Variants in IGSF10 observed in about 807,000 individuals in gnomAD.
IGSF10 encodes immunoglobulin superfamily member 10.
Under a neutral mutation model 128.2 loss-of-function variants are expected in IGSF10, and 126 were observed. That is an observed-to-expected ratio of 0.98 (90% CI 0.85 to 1.14). The LOEUF is 1.14. Ranked by LOEUF, IGSF10 falls within the 50% of genes most tolerant of loss-of-function variation. IGSF10 has a pLI of 0.00. For missense variants in IGSF10, 3,295 were observed against 3,149.8 expected (o/e 1.05, Z -1.10); for synonymous variants, 1,185 against 1,146.2 (o/e 1.03, Z -0.68).
chr3:151,465,982 C>T (rs1722270517), upstream of IGSF10, among the ~76,000 whole-genome samples: 1 of 152,208 alleles, frequency 6.6e-6, no homozygotes, highest in South Asian at 2.1e-4. Context: ...TGTAACCAAT[C>T]CAGCTGTTTC....
In IGSF10 at chr3:151,446,444, C is replaced by T. The variant is rs181702818; in HGVS notation, c.3537G>A (p.Ser1179=). 4.0e-5 allele frequency: 65 copies of T among 1,614,012 alleles called. No individual in the cohort carries two copies. The highest frequency in any genetic ancestry group is 3.3e-4 in the African/African-American group (25 of 75,032). The change falls in exon 6 of 8, where the codon TCG becomes TCA. Residue 1179 remains serine (S), a synonymous_variant. Transcript: ENST00000282466. ...GCTTGGTGATAGCACCTGAAAGTGA[C>T]GATGTAATCACTGAATCTCTTTTAG... is the stretch of plus-strand genomic sequence containing the variant. The part of the protein sequence containing the change: ...NEAKRDSVIT[S]SLSGAITKPP...
At chr3:151,471,213 A>T in the IGSF10 span, among the ~76,000 whole-genome samples, 359 of 152,232 alleles carry the variant, frequency 2.4e-3, no homozygotes, top group African/African-American at 8.1e-3. Flanking sequence ...TTTGCTACTC[A>T]TTCACCTTCT....
At chr3:151,562,791 AAAG>A in the IGSF10 span, among the ~76,000 whole-genome samples, 1 of 152,144 alleles carries the variant, frequency 6.6e-6, no homozygotes, top group East Asian at 1.9e-4. Context: ...CCAAGAGCCC[AAAG>A]AAGAGACCCA....
the IGSF10 span, among the ~76,000 whole-genome samples, chr3:151,533,358 A>G: frequency 6.6e-6 from 1 of 152,200 alleles, no homozygotes; most frequent in African/African-American, 2.4e-5. Context: ...AGCCAAGACA[A>G]TCTAAGCTAA....
chr3:151,449,112 G>C lies in IGSF10; in HGVS notation c.869C>G (p.Ser290Ter). The change falls in exon 6 of 8, where the codon TCA becomes TGA. Residue 290 changes from serine (S) to a stop codon, truncating the protein, a stop_gained. Transcript: ENST00000282466. LOFTEE classifies it high-confidence loss of function. Reference protein sequence around the residue: ...AKPTIDSSLKSKSLTILEDSS... With the variant: ...AKPTIDSSLK ...GTCTTCCAGAATAGTCAGGCTCTTT[G>C]ATTTCAGGGATGAGTCAATGGTTGG... is the stretch of plus-strand genomic sequence containing the variant. 6.2e-7 allele frequency: 1 copy of C among 1,614,216 alleles called. No individual in the cohort carries two copies. Among genetic ancestry groups the C allele is most frequent in the Non-Finnish European group, 8.5e-7 (1 of 1,180,042 alleles).
intron 7 of IGSF10, among the ~76,000 whole-genome samples, chr3:151,440,028 C>T (rs1028477093): frequency 6.6e-6 from 1 of 151,274 alleles, no homozygotes; most frequent in Non-Finnish European, 1.5e-5. Context: ...CTCCTATTTT[C>T]TATTTACTTT....
rs1720492687 is a variant in IGSF10 at position 151,437,805 on chromosome 3, C to G, written c.6756G>C (p.Val2252=). ...AGTCAAAGTGTTTTTTGGAATGTCT[C>G]ACAGCTGTGGCTTTAATAACAGTTC... ...TNRTVIKATA[V]RHSKKHFDCR... The change falls in exon 8 of 8, where the codon GTG becomes GTC. Residue 2252 remains valine, a synonymous_variant. Coordinates refer to ENST00000282466, the MANE Select transcript of IGSF10 (RefSeq NM_178822.5). 2 of 1,613,742 alleles carry G rather than the reference C, an allele frequency of 1.2e-6. No individual in the cohort carries two copies. Among genetic ancestry groups the G allele is most frequent in the South Asian group, 2.2e-5 (2 of 91,082 alleles).
At chr3:151,546,245 A>ACC in the IGSF10 span, among the ~76,000 whole-genome samples, 1 of 151,698 alleles carries the variant, frequency 6.6e-6, no homozygotes, top group Non-Finnish European at 1.5e-5. Flanking sequence ...TATTATGAAA[A>ACC]CCCTCTCCTA....
the IGSF10 span, among the ~76,000 whole-genome samples, chr3:151,499,199 A>G: frequency 1.3e-5 from 2 of 152,132 alleles, no homozygotes; most frequent in South Asian, 4.1e-4. Context: ...AACAAAAAGC[A>G]TTATACCCTG....
At chr3:151,519,080 A>G in the IGSF10 span, among the ~76,000 whole-genome samples, 72 of 152,082 alleles carry the variant, frequency 4.7e-4, no homozygotes, top group African/African-American at 1.7e-3. Context: ...AGATCACAGA[A>G]TATGTATGAT....
In IGSF10 at chr3:151,448,955, G is replaced by A. The variant is rs759474874; in HGVS notation, c.1026C>T (p.Pro342=). The A allele has an allele frequency of 1.2e-5, 19 of 1,614,136 alleles. No homozygotes were observed. In the South Asian group the frequency reaches 2.1e-4, roughly 18 times the overall value. ...CSIQKPSRTS[P]IAFTEENDYI... ...AGTCATTTTCTTCAGTGAATGCAAT[G>A]GGTGATGTCCTTGAGGGCTTTTGAA... Residue 342 remains proline (P), a synonymous_variant, in exon 6 of 8, where the codon CCC becomes CCT. Coordinates refer to ENST00000282466, the MANE Select transcript of IGSF10 (RefSeq NM_178822.5).
rs1287997245 is a variant in IGSF10 at position 151,448,709 on chromosome 3, T to C, written c.1272A>G (p.Ala424=). Residue 424 remains alanine, a synonymous_variant, in exon 6 of 8, where the codon GCA becomes GCG. Coordinates refer to ENST00000282466, the MANE Select transcript of IGSF10 (RefSeq NM_178822.5). ...GGTCTTGCATTAACCAAGAGGGATC[T>C]GCTCTGAGATCTGCCTCTATGTTGG... ...IFTNIEADLR[A]DPSWLMQDQI... is the part of the protein sequence containing the mutation. 1 of 1,613,818 alleles carries C rather than the reference T, an allele frequency of 6.2e-7. No individual in the cohort carries two copies. The highest frequency in any genetic ancestry group is 1.7e-5 in the Admixed American group (1 of 60,008).
At chr3:151,511,329 G>T in the IGSF10 span, among the ~76,000 whole-genome samples, 7 of 152,274 alleles carry the variant, frequency 4.6e-5, 1 homozygote, top group South Asian at 4.1e-4. Flanking sequence ...TTAAAGAAAA[G>T]AATTTCCAAC....
chr3:151,446,354 A>C lies in IGSF10; in HGVS notation c.3627T>G (p.Phe1209Leu), dbSNP rs753921412. The change falls in exon 6 of 8, where the codon TTT (phenylalanine) becomes TTG (leucine). Residue 1209 changes from phenylalanine (F) to leucine (L), a missense_variant. Phe to Leu is a conservative substitution (Grantham distance 22, BLOSUM62 0). Transcript: ENST00000282466. ...SRRKIPWQQN[F>L]VNNHNPKGRL... ...TGCCTTTTGGGTTATGGTTATTTAC[A>C]AAGTTCTGTTGCCAGGGAATTTTCC... 1.2e-6 allele frequency: 2 copies of C among 1,613,606 alleles called. No individual in the cohort carries two copies. Among genetic ancestry groups the C allele is most frequent in the Non-Finnish European group, 1.7e-6 (2 of 1,179,530 alleles).
upstream of IGSF10, among the ~76,000 whole-genome samples, chr3:151,463,523 G>GTTTTTTTTTTTTGTTTTTTTTTTGTTT: frequency 3.2e-5 from 1 of 31,272 alleles, no homozygotes; most frequent in Non-Finnish European, 6.5e-5. Flanking sequence ...ACATTTTCTG[G>GTTTTTTTTTTTTGTTTTTTTTTTGTTT]TTTTTTTTTT....
At chr3:151,556,558 C>T in the IGSF10 span, among the ~76,000 whole-genome samples, 99,504 of 151,770 alleles carry the variant, frequency 0.66, 32,704 homozygotes, top group Middle Eastern at 0.71. Flanking sequence ...TAAAGAAATA[C>T]AGTAGAAGGG....
chr3:151,553,352 G>A, the IGSF10 span, among the ~76,000 whole-genome samples: 1 of 151,976 alleles, frequency 6.6e-6, no homozygotes, highest in African/African-American at 2.4e-5. Context: ...AATCTTTCTT[G>A]AGTTTTCATT....
At chr3:151,527,586 C>G in the IGSF10 span, among the ~76,000 whole-genome samples, 2 of 151,840 alleles carry the variant, frequency 1.3e-5, no homozygotes, top group Non-Finnish European at 2.9e-5. Context: ...TATTAATTGC[C>G]CAGAAGATAA....
At chr3:151,484,927 G>C in the IGSF10 span, among the ~76,000 whole-genome samples, 2 of 152,066 alleles carry the variant, frequency 1.3e-5, no homozygotes, top group Non-Finnish European at 2.9e-5. Context: ...TTGCCAGCAA[G>C]GGAACAAAAC....
Sources: allele counts gnomAD v4.1 joint callset (sites outside exome capture counted in the v4.1 genomes callset), GRCh38; gene constraint gnomAD v4.1.1; transcripts MANE v1.5; gene names NCBI Gene and HGNC (gene_info 2026-07-23, HGNC 2026-07-21).